Variants in TMEM161B observed in about 807,000 individuals in gnomAD.
The protein encoded by TMEM161B is transmembrane protein 161B.
A neutral mutation model predicts 61.8 loss-of-function variants in TMEM161B; 34 were observed. That is an observed-to-expected ratio of 0.55 (90% CI 0.42 to 0.73). The LOEUF (loss-of-function observed/expected upper bound fraction) is 0.73. TMEM161B is among the 30% of genes least tolerant of loss of function. The pLI is 0.00. For synonymous variants in TMEM161B, 167 were observed against 192.8 expected (o/e 0.87, Z 1.11); for missense variants, 456 against 558.5 (o/e 0.82, Z 1.85).
intron 1 of TMEM161B, among the ~76,000 whole-genome samples, chr5:88,247,279 ACT>A (rs1421018502): frequency 6.6e-6 from 1 of 152,044 alleles, no homozygotes; most frequent in African/African-American, 2.4e-5. Context: ...TGAAAATAAA[ACT>A]CTAAAAACTT....
chr5:88,202,619 T>C, intron 9 of TMEM161B: 1 of 237,662 alleles, frequency 4.2e-6, no homozygotes, highest in South Asian at 5.3e-5. Flanking sequence ...ACTTTTTTCC[T>C]CCATAATTTT....
At chr5:88,229,503 T>A (rs558220510) in intron 2 of TMEM161B, among the ~76,000 whole-genome samples, 7 of 138,282 alleles carry the variant, frequency 5.1e-5, no homozygotes, top group East Asian at 4.3e-4. Context: ...TTTTTTTTTT[T>A]ATCTTACAGA....
At chr5:88,222,590 T>C (rs145120304) in intron 4 of TMEM161B, among the ~76,000 whole-genome samples, 1 of 152,290 alleles carries the variant, frequency 6.6e-6, no homozygotes, top group African/African-American at 2.4e-5. Context: ...ATAATTGAAA[T>C]AAGCATTCTA....
At chr5:88,194,622 T>C (rs1213241026), downstream of TMEM161B, among the ~76,000 whole-genome samples, 1 of 152,128 alleles carries the variant, frequency 6.6e-6, no homozygotes, top group Non-Finnish European at 1.5e-5. Context: ...TGTATAAGCA[T>C]TCCTTTCCTT....
At chr5:88,187,797 G>A (rs1748446798), downstream of TMEM161B, among the ~76,000 whole-genome samples, 1 of 151,988 alleles carries the variant, frequency 6.6e-6, no homozygotes, top group Admixed American at 6.6e-5. Flanking sequence ...ATACATTTGT[G>A]TAGTATTTCA....
In TMEM161B at chr5:88,211,642, C is replaced by T. The variant is rs139691769; in HGVS notation, c.447-4462G>A. On this transcript the variant is annotated intron_variant, in intron 5 of 11. Coordinates refer to ENST00000296595, the MANE Select transcript of TMEM161B (RefSeq NM_153354.5). Reference sequence around the variant, plus strand: ...GCGTGGCGGCGGGCGCGGCGGCGGGCGCCTGTAATCCCAGCTAACTCGGGA... The same window carrying T: ...GCGTGGCGGCGGGCGCGGCGGCGGGTGCCTGTAATCCCAGCTAACTCGGGA... 8.5e-3 allele frequency among the ~76,000 whole-genome samples: 1,291 copies of T among 151,800 alleles called. 18 individuals carry two copies. Among genetic ancestry groups the T allele is most frequent in the African/African-American group, 0.029 (1,210 of 41,424 alleles).
intron 1 of TMEM161B, among the ~76,000 whole-genome samples, chr5:88,267,347 TA>T (rs552997121): frequency 3.8e-4 from 55 of 146,446 alleles, no homozygotes; most frequent in Non-Finnish European, 5.9e-4. Context: ...CACTGAGGCT[TA>T]AAAAAAAAAA....
At chr5:88,199,803 A>G (rs1442977616) in intron 9 of TMEM161B, 2 of 152,128 alleles carry the variant, frequency 1.3e-5, no homozygotes, top group Non-Finnish European at 2.9e-5. Flanking sequence ...GGCTGCTTAA[A>G]GAATTTTTAG....
chr5:88,190,206 G>A (rs1338918657), downstream of TMEM161B: 2 of 701,056 alleles, frequency 2.9e-6, no homozygotes, highest in South Asian at 3.0e-5. Flanking sequence ...TTCAAAGGGG[G>A]CTGCTCCATA....
intron 3 of TMEM161B, among the ~76,000 whole-genome samples, chr5:88,226,738 G>GT (rs1447571772): frequency 1.3e-5 from 2 of 152,158 alleles, no homozygotes; most frequent in Non-Finnish European, 2.9e-5. Flanking sequence ...AGGCAGCAAT[G>GT]TTAATGTATC....
chr5:88,201,033 A>C (rs1467576969), intron 9 of TMEM161B: 1 of 144,436 alleles, frequency 6.9e-6, no homozygotes. Context: ...ACAATCTATC[A>C]CATGCATTTT....
rs546343825 is a variant in TMEM161B at position 88,265,887 on chromosome 5, G to A, written c.3+2834C>T. On this transcript the variant is annotated intron_variant, in intron 1 of 11. Transcript: ENST00000296595. ...ACAGGATGATACACAGATGCAAGCC[G>A]TGATATCTGCAATTCCAGGAGCTAG... Among the ~76,000 whole-genome samples, 13 of 152,282 alleles carry A rather than the reference G, an allele frequency of 8.5e-5. No individual in the cohort carries two copies. The South Asian group carries it at 1.7e-3, about 19-fold the overall frequency.
chr5:88,221,936 G>T (rs1216717976), intron 4 of TMEM161B, among the ~76,000 whole-genome samples: 1 of 152,088 alleles, frequency 6.6e-6, no homozygotes, highest in Admixed American at 6.5e-5. Context: ...CATACAGTAA[G>T]ACCTATTAAA....
At chr5:88,225,129 G>C (rs1049695911) in intron 4 of TMEM161B, among the ~76,000 whole-genome samples, 1 of 151,746 alleles carries the variant, frequency 6.6e-6, no homozygotes, top group African/African-American at 2.4e-5. Context: ...CACCACGCCT[G>C]GCTAATTTTT....
chr5:88,195,448 A>C lies in TMEM161B; in HGVS notation c.*763T>G, dbSNP rs1580305091. ...CTTTAAAGTCTGATCAGTATTGATA[A>C]ATATTTTAGCCTATTAAAAGGAACT... On this transcript the variant is annotated 3_prime_UTR_variant, in exon 12 of 12. Transcript: ENST00000296595. 1 of 972,806 alleles carries C rather than the reference A, an allele frequency of 1.0e-6. No homozygotes were observed. The highest frequency in any genetic ancestry group is 6.2e-5 in the Admixed American group (1 of 16,084). The allele number at this position is 972,806 out of a possible 1,614,324, so 60.3% of individuals were successfully genotyped here. A position where few individuals can be genotyped will look rare whatever the true frequency, so the allele number is the denominator to read the frequency against.
intron 5 of TMEM161B, among the ~76,000 whole-genome samples, chr5:88,210,714 C>T (rs1746542764): frequency 6.6e-6 from 1 of 152,134 alleles, no homozygotes; most frequent in Admixed American, 6.5e-5. Context: ...TCTAGAGAAA[C>T]TGAAAGGCCT....
In TMEM161B at chr5:88,195,855, C is replaced by T. The variant is rs191136557; in HGVS notation, c.*356G>A. ...TATGACTATCAACAGTACCATAAAA[C>T]CATTAAAAGCAATCAATAACTAGAG... On this transcript the variant is annotated 3_prime_UTR_variant, in exon 12 of 12. Coordinates refer to ENST00000296595, the MANE Select transcript of TMEM161B (RefSeq NM_153354.5). The T allele has an allele frequency of 6.4e-5, 66 of 1,025,376 alleles. No homozygotes were observed. Among genetic ancestry groups the T allele is most frequent in the Admixed American group, 3.8e-4 (7 of 18,302 alleles). 63.5% of individuals were successfully genotyped at this position (1,025,376 alleles called of 1,614,324 possible). A position where few individuals can be genotyped will look rare whatever the true frequency, so the allele number is the denominator to read the frequency against.
rs1413773016 is a variant in TMEM161B, at chr5:88,241,207, G to C, written c.4-291C>G. 3.3e-5 allele frequency among the ~76,000 whole-genome samples: 5 copies of C among 151,852 alleles called. No homozygotes were observed. The South Asian group carries it at 6.2e-4, about 19-fold the overall frequency. ...TGTATTAGGTATTATAAGTAATCTA[G>C]AGACGATTTCAAGTATATAGGAGGA... On this transcript the variant is annotated intron_variant, in intron 1 of 11. Coordinates refer to ENST00000296595, the MANE Select transcript of TMEM161B (RefSeq NM_153354.5).
intron 9 of TMEM161B, chr5:88,202,008 C>T: frequency 2.5e-6 from 1 of 396,396 alleles, no homozygotes; most frequent in Non-Finnish European, 5.1e-6. Context: ...TCTGATGAGG[C>T]AAAGCAGTGA....
Sources: gnomAD v4.1 joint callset for allele counts (sites outside exome capture counted in the v4.1 genomes callset) on GRCh38, gnomAD v4.1.1 for gene constraint, MANE v1.5 for transcripts, NCBI Gene and HGNC (gene_info 2026-07-23, HGNC 2026-07-21) for gene names.